Variants in NETO2 observed in about 807,000 individuals in gnomAD.
NETO2 encodes the protein neuropilin and tolloid-like protein 2.
In NETO2, 28 loss-of-function variants were observed where a neutral mutation model predicts 62.5. The observed-to-expected ratio is 0.45, with a 90% confidence interval of 0.33 to 0.61. NETO2 has a LOEUF of 0.61. NETO2 is among the 20% of genes least tolerant of loss of function. NETO2 has a pLI of 0.02. For missense variants in NETO2, 548 were observed against 643.2 expected (o/e 0.85, Z 1.60); for synonymous variants, 214 against 219.1 (o/e 0.98, Z 0.21).
At chr16:47,113,849 T>A (rs1198645320) in intron 6 of NETO2, among the ~76,000 whole-genome samples, 1 of 152,122 alleles carries the variant, frequency 6.6e-6, no homozygotes, top group Non-Finnish European at 1.5e-5. Flanking sequence ...CACCTCAGCC[T>A]CCCAAAGTGC....
chr16:47,132,634 T>C (rs1200156456), intron 1 of NETO2, among the ~76,000 whole-genome samples: 1 of 152,196 alleles, frequency 6.6e-6, no homozygotes, highest in South Asian at 2.1e-4. Context: ...CATATTGAAT[T>C]GTTTTGTGTA....
At chr16:47,086,954 A>T (rs1963202437) in intron 7 of NETO2, among the ~76,000 whole-genome samples, 1 of 152,226 alleles carries the variant, frequency 6.6e-6, no homozygotes, top group Admixed American at 6.5e-5. Flanking sequence ...TGATTTGGTC[A>T]TAAAAAGAAA....
Position 47,080,890 on chromosome 16 carries a change from TAA to T in NETO2, c.*2329_*2330del, listed in dbSNP as rs1040601355. 1.2e-4 allele frequency: 19 copies of T among 152,228 alleles called. No individual in the cohort carries two copies. Among genetic ancestry groups the T allele is most frequent in the Non-Finnish European group, 2.1e-4 (14 of 68,034 alleles). The allele number at this position is 152,228 out of a possible 1,614,324, so 9.4% of individuals were successfully genotyped here. A position where few individuals can be genotyped will look rare whatever the true frequency, so the allele number is the denominator to read the frequency against. ...TCAAGAGGAAATTAGCCTCTGCACA[TAA>T]GTTTTTTTACTGTGAAAAGCAAAAA... On this transcript the variant is annotated 3_prime_UTR_variant, in exon 9 of 9. Coordinates refer to ENST00000562435, the MANE Select transcript of NETO2 (RefSeq NM_018092.5).
chr16:47,124,050 C>T (rs1198605915), intron 4 of NETO2, among the ~76,000 whole-genome samples: 1 of 152,104 alleles, frequency 6.6e-6, no homozygotes, highest in East Asian at 1.9e-4. Context: ...AGACTCAATT[C>T]CTGTTAAAAC....
intron 6 of NETO2, among the ~76,000 whole-genome samples, chr16:47,118,181 C>T (rs1963960030): frequency 6.6e-6 from 1 of 151,918 alleles, no homozygotes; most frequent in Non-Finnish European, 1.5e-5. Flanking sequence ...GTTCGCACTG[C>T]AAATTCTGTC....
intron 6 of NETO2, among the ~76,000 whole-genome samples, chr16:47,118,158 T>C (rs1963959413): frequency 6.6e-6 from 1 of 151,270 alleles, no homozygotes; most frequent in African/African-American, 2.4e-5. Flanking sequence ...CTGCAGACAA[T>C]CAACTAAGTT....
At chr16:47,122,609 G>C in intron 6 of NETO2, 48 bp downstream of exon 6, 1 of 1,588,758 alleles carries the variant, frequency 6.3e-7, no homozygotes, top group Non-Finnish European at 8.6e-7. Context: ...TGCAAATCAT[G>C]CCTTATCATG....
At chr16:47,119,872 A>G (rs1488731165) in intron 6 of NETO2, among the ~76,000 whole-genome samples, 7 of 152,198 alleles carry the variant, frequency 4.6e-5, no homozygotes, top group Non-Finnish European at 7.3e-5. Flanking sequence ...TGCTCTGCAT[A>G]TATGTTCAGA....
At chr16:47,137,877 G>A (rs935018725) in intron 1 of NETO2, among the ~76,000 whole-genome samples, 4 of 152,130 alleles carry the variant, frequency 2.6e-5, no homozygotes, top group African/African-American at 9.7e-5. Flanking sequence ...TCTGTCATGC[G>A]AACAAGCTGG....
chr16:47,112,856 A>G (rs1417589792), intron 6 of NETO2, among the ~76,000 whole-genome samples: 2 of 152,120 alleles, frequency 1.3e-5, no homozygotes, highest in African/African-American at 4.8e-5. Context: ...ATGAAGAATG[A>G]GATCTAATAA....
chr16:47,115,719 A>G (rs1963902524), intron 6 of NETO2, among the ~76,000 whole-genome samples: 2 of 133,538 alleles, frequency 1.5e-5, no homozygotes, highest in African/African-American at 6.9e-5. Context: ...ATATACATAT[A>G]TATATATATA....
At chr16:47,134,343 G>C (rs1964328368) in intron 1 of NETO2, among the ~76,000 whole-genome samples, 1 of 151,372 alleles carries the variant, frequency 6.6e-6, no homozygotes, top group Admixed American at 6.6e-5. Context: ...CCTTTTTTTG[G>C]TTGATGGTAG....
rs114133031 is a variant in NETO2, at chr16:47,142,001, C to A, written c.34+1578G>T. ...CAGGTAAAGCGGTGTGACAGATCTA[C>A]GCGATTTCATCCGGGGGTGCTCTCG... is the stretch of plus-strand genomic sequence containing the variant. On this transcript the variant is annotated intron_variant, in intron 1 of 8. Coordinates refer to ENST00000562435, the MANE Select transcript of NETO2 (RefSeq NM_018092.5). Among the ~76,000 whole-genome samples the A allele has an allele frequency of 1.5e-3, 225 of 152,284 alleles. 2 individuals carry two copies. The highest frequency in any genetic ancestry group is 5.2e-3 in the African/African-American group (216 of 41,550).
intron 7 of NETO2, among the ~76,000 whole-genome samples, chr16:47,087,510 G>A (rs1423972741): frequency 6.6e-6 from 1 of 152,118 alleles, no homozygotes; most frequent in Non-Finnish European, 1.5e-5. Context: ...AAAACTTTCT[G>A]AATATGGATA....
At chr16:47,087,271 G>A (rs1381707401) in intron 7 of NETO2, among the ~76,000 whole-genome samples, 1 of 152,090 alleles carries the variant, frequency 6.6e-6, no homozygotes, top group African/African-American at 2.4e-5. Flanking sequence ...TGATCCACCT[G>A]CTTTGGCCTC....
intron 3 of NETO2, 142 bp downstream of exon 3, chr16:47,129,082 C>A (rs1371823159): frequency 2.5e-6 from 2 of 795,386 alleles, no homozygotes; most frequent in Non-Finnish European, 4.1e-6. Context: ...ATTCAATATG[C>A]AGAAATACTT....
At chr16:47,113,585 C>CTTTTTTT (rs953891691) in intron 6 of NETO2, among the ~76,000 whole-genome samples, 27 of 106,584 alleles carry the variant, frequency 2.5e-4, no homozygotes, top group African/African-American at 4.7e-4. Context: ...ACAGTTTATT[C>CTTTTTTT]TTTTTTTTTT....
intron 7 of NETO2, among the ~76,000 whole-genome samples, chr16:47,094,587 G>A (rs1473748777): frequency 6.6e-6 from 1 of 151,642 alleles, no homozygotes; most frequent in Non-Finnish European, 1.5e-5. Flanking sequence ...CACCATGCCC[G>A]GCTAATTTTT....
At chr16:47,110,235 A>G (rs1406361306) in intron 6 of NETO2, among the ~76,000 whole-genome samples, 1 of 152,222 alleles carries the variant, frequency 6.6e-6, no homozygotes, top group African/African-American at 2.4e-5. Context: ...TATTTACACA[A>G]TATCCTACTG....
Sources: gnomAD v4.1 joint callset for allele counts (sites outside exome capture counted in the v4.1 genomes callset) on GRCh38, gnomAD v4.1.1 for gene constraint, MANE v1.5 for transcripts, NCBI Gene and HGNC (gene_info 2026-07-23, HGNC 2026-07-21) for gene names.